Variants in TMC7 observed in about 807,000 individuals in gnomAD.
TMC7 encodes the protein transmembrane channel like 7.
Under a neutral mutation model 82.9 loss-of-function variants are expected in TMC7, and 54 were observed. That is an observed-to-expected ratio of 0.65 (90% CI 0.52 to 0.82). The LOEUF (loss-of-function observed/expected upper bound fraction) is 0.82. Ranked by LOEUF, TMC7 falls within the 40% of genes least tolerant of loss-of-function variation. The probability of loss-of-function intolerance (pLI) is 0.00; values close to 1 mark genes in which losing one functional copy is unlikely to be tolerated. For synonymous variants in TMC7, 350 were observed against 337.9 expected, an observed-to-expected ratio of 1.04 and a Z score of -0.39; for missense variants, 820 against 901.2, an observed-to-expected ratio of 0.91 and a Z score of 1.15.
chr16:19,060,989 G>C lies in TMC7; in HGVS notation c.2107-789G>C, dbSNP rs548467350. Among the ~76,000 whole-genome samples, 3 of 146,830 alleles carry C rather than the reference G, an allele frequency of 2.0e-5. No homozygotes were observed. The East Asian group carries it at 6.0e-4, about 29-fold the overall frequency. On this transcript the variant is annotated intron_variant, in intron 15 of 15. Transcript: ENST00000304381. ...TTTAGTAGAGAAGGGGTTTCACCAT[G>C]ATGGCCAGTCTTTTTTTTTTTTTTT...
chr16:19,040,892 C>CT (rs113968068), intron 9 of TMC7, among the ~76,000 whole-genome samples: 2,173 of 133,804 alleles, frequency 0.016, 47 homozygotes, highest in African/African-American at 0.047. Context: ...TTCTTTGATT[C>CT]TTTTTTTTTT....
Position 19,006,340 on chromosome 16 carries a change from G to A in TMC7, c.68-2832G>A, listed in dbSNP as rs142734632. ...GCTGGGATTACAGGCACGCGCTAGC[G>A]TGCCCAGCTAATTTTGTATTTTTAG... On this transcript the variant is annotated intron_variant, in intron 1 of 15. Transcript: ENST00000304381. 2.4e-4 allele frequency among the ~76,000 whole-genome samples: 36 copies of A among 152,132 alleles called. No individual in the cohort carries two copies. The East Asian group carries it at 5.6e-3, about 24-fold the overall frequency.
intron 11 of TMC7, among the ~76,000 whole-genome samples, chr16:19,046,261 A>G (rs1961270026): frequency 6.6e-6 from 1 of 152,158 alleles, no homozygotes; most frequent in Admixed American, 6.6e-5. Context: ...ACCTTGGGCA[A>G]GTTATTTAAG....
At chr16:19,023,422 C>G (rs977947565) in intron 5 of TMC7, among the ~76,000 whole-genome samples, 1 of 152,042 alleles carries the variant, frequency 6.6e-6, no homozygotes, top group Non-Finnish European at 1.5e-5. Flanking sequence ...GGCCATTGGC[C>G]TTTTTCTAGT....
chr16:19,059,515 A>G (rs1051861493), intron 15 of TMC7, 21 bp downstream of exon 15: 2 of 1,614,030 alleles, frequency 1.2e-6, no homozygotes, highest in African/African-American at 2.7e-5. Context: ...ATAGCTCCAG[A>G]GGGTCATGGC....
rs1962094851 is a variant in TMC7 at position 19,063,576 on chromosome 16, A to G, written c.*1733A>G. The G allele has an allele frequency of 6.6e-6, 1 of 152,106 alleles. No individual in the cohort carries two copies. Among genetic ancestry groups the G allele is most frequent in the Non-Finnish European group, 1.5e-5 (1 of 68,032 alleles). The allele number at this position is 152,106 out of a possible 1,614,324, so 9.4% of individuals were successfully genotyped here. On this transcript the variant is annotated 3_prime_UTR_variant, in exon 16 of 16. Transcript: ENST00000304381. Reference sequence around the variant, plus strand: ...CAAAAAAAAAGATAGGTGAAAAGAAAAAAAAAGTTGTAATTGTAAACATTT... The same window carrying G: ...CAAAAAAAAAGATAGGTGAAAAGAAGAAAAAAGTTGTAATTGTAAACATTT...
intron 13 of TMC7, among the ~76,000 whole-genome samples, chr16:19,053,268 A>T (rs1961619087): frequency 6.6e-6 from 1 of 151,762 alleles, no homozygotes; most frequent in Admixed American, 6.6e-5. Flanking sequence ...GTGAGATAAT[A>T]GTATAATCCT....
At chr16:19,058,397 A>G (rs1451823610) in intron 14 of TMC7, among the ~76,000 whole-genome samples, 1 of 150,730 alleles carries the variant, frequency 6.6e-6, no homozygotes, top group Non-Finnish European at 1.5e-5. Context: ...AAATAAATAA[A>G]TAAAATAAAT....
chr16:18,989,596 CG>C (rs1567496495), intron 1 of TMC7, among the ~76,000 whole-genome samples: 2 of 142,074 alleles, frequency 1.4e-5, no homozygotes, highest in South Asian at 2.3e-4. Flanking sequence ...GGGCCCTGAG[CG>C]ATCACCACAT....
intron 14 of TMC7, 69 bp from the exon 15 acceptor site, chr16:19,059,347 T>C: frequency 6.4e-7 from 1 of 1,573,034 alleles, no homozygotes; most frequent in South Asian, 1.2e-5. Context: ...GAAAAATATG[T>C]TGGGTTATTT....
At chr16:19,020,924 C>T (rs1325118242) in intron 3 of TMC7, among the ~76,000 whole-genome samples, 1 of 151,752 alleles carries the variant, frequency 6.6e-6, no homozygotes, top group Admixed American at 6.6e-5. Flanking sequence ...TCTAAAGAAT[C>T]ATATGCAATA....
At chr16:18,985,207 C>T (rs1005728566) in intron 1 of TMC7, among the ~76,000 whole-genome samples, 10 of 150,636 alleles carry the variant, frequency 6.6e-5, no homozygotes, top group East Asian at 2.0e-4. Flanking sequence ...TGCAGTGAGC[C>T]GAGATTGCGC....
intron 8 of TMC7, among the ~76,000 whole-genome samples, chr16:19,039,183 C>T (rs111352132): frequency 0.017 from 2,604 of 151,724 alleles, 75 homozygotes; most frequent in African/African-American, 0.06. Flanking sequence ...CTCCACCTCC[C>T]GGGTTCAAGT....
At chr16:19,009,530 G>T in intron 2 of TMC7, 115 bp downstream of exon 2, 1 of 1,337,472 alleles carries the variant, frequency 7.5e-7, no homozygotes, top group Non-Finnish European at 1.0e-6. Flanking sequence ...TATTCCTTAG[G>T]GTAAGCTAAG....
rs761524833 is a variant in TMC7, at chr16:19,021,802, T to C, written c.628+6T>C. 6.2e-7 allele frequency: 1 copy of C among 1,613,672 alleles called. No individual in the cohort carries two copies. The highest frequency in any genetic ancestry group is 1.7e-5 in the Admixed American group (1 of 59,946). On this transcript the variant is annotated splice_donor_region_variant and intron_variant, in intron 4 of 15. Transcript: ENST00000304381. ...CATTCCTTTCAAAGACATGGGTGAG[T>C]GTAAGGCCTGGTTTACTACGAAGTG... is the stretch of plus-strand genomic sequence containing the variant.
intron 9 of TMC7, among the ~76,000 whole-genome samples, chr16:19,042,651 A>G (rs542570352): frequency 7.4e-6 from 1 of 134,452 alleles, no homozygotes; most frequent in Admixed American, 7.5e-5. Context: ...GGGACTACAG[A>G]TGCCCGGCAC....
chr16:19,049,095 C>T (rs1474429673), intron 12 of TMC7, among the ~76,000 whole-genome samples: 1 of 152,112 alleles, frequency 6.6e-6, no homozygotes, highest in Non-Finnish European at 1.5e-5. Flanking sequence ...GTGATCTCAG[C>T]TCACTGCAGC....
intron 13 of TMC7, among the ~76,000 whole-genome samples, chr16:19,052,965 G>A (rs1298116758): frequency 2.6e-5 from 4 of 152,138 alleles, no homozygotes; most frequent in Non-Finnish European, 4.4e-5. Flanking sequence ...CACCCATGTC[G>A]GCCTCCCAAA....
intron 3 of TMC7, among the ~76,000 whole-genome samples, chr16:19,020,745 G>A (rs764660719): frequency 2.0e-5 from 3 of 151,824 alleles, no homozygotes; most frequent in Non-Finnish European, 2.9e-5. Context: ...GCTCAGCCTC[G>A]GGAGGCTAAG....
Sources: allele counts gnomAD v4.1 joint callset (sites outside exome capture counted in the v4.1 genomes callset), GRCh38; gene constraint gnomAD v4.1.1; transcripts MANE v1.5; gene names NCBI Gene and HGNC (gene_info 2026-07-23, HGNC 2026-07-21).